The following DGKG variants were observed in gnomAD, a reference collection of about 807,000 sequenced individuals.
DGKG encodes DAG kinase gamma.
DGKG carries 78 observed loss-of-function variants against 105.3 expected under a neutral mutation model. The observed-to-expected ratio is 0.74, with a 90% CI of 0.62 to 0.89. The LOEUF is 0.89. Ranked by LOEUF, DGKG falls within the 40% of genes least tolerant of loss-of-function variation. The pLI is 0.00. For synonymous variants in DGKG, 346 were observed against 367.1 expected, an observed-to-expected ratio of 0.94 and a Z score of 0.66; for missense variants, 958 against 1,020.1, an observed-to-expected ratio of 0.94 and a Z score of 0.83.
chr3:186,294,685 C>A (rs753410375), intron 5 of DGKG, among the ~76,000 whole-genome samples: 22 of 152,088 alleles, frequency 1.4e-4, no homozygotes, highest in Admixed American at 4.6e-4. Flanking sequence ...CCTGAATATG[C>A]CTCCTCTAGT....
At chr3:186,283,047 T>C (rs1294900430) in intron 7 of DGKG, among the ~76,000 whole-genome samples, 1 of 152,058 alleles carries the variant, frequency 6.6e-6, no homozygotes, top group Non-Finnish European at 1.5e-5. Context: ...TAGCTGGGAC[T>C]ACAGGTGTGT....
chr3:186,188,077 C>T (rs1274560790), intron 22 of DGKG, 125 bp downstream of exon 22: 1 of 1,120,326 alleles, frequency 8.9e-7, no homozygotes, highest in South Asian at 1.5e-5. Flanking sequence ...GATGACGAGT[C>T]AGCATATCCG....
chr3:186,268,782 GC>G lies in DGKG; in HGVS notation c.1116+18del. ...AAAAACGTTGAAAAGAAGCAGGGCCGCCCTGGGCGCCAACCCACCGTCATCC... is the reference window on the plus strand; with the variant it reads ...AAAAACGTTGAAAAGAAGCAGGGCCGCCTGGGCGCCAACCCACCGTCATCC... On this transcript the variant is annotated intron_variant, in intron 12 of 24. Coordinates refer to ENST00000265022, the MANE Select transcript of DGKG (RefSeq NM_001346.3). The G allele has an allele frequency of 6.4e-7, 1 of 1,572,538 alleles. No homozygotes were observed.
At chr3:186,323,936 C>T (rs1330814257) in intron 1 of DGKG, among the ~76,000 whole-genome samples, 1 of 72,018 alleles carries the variant, frequency 1.4e-5, no homozygotes, top group Non-Finnish European at 2.6e-5. Context: ...GACTCCGTCT[C>T]AAAAAAAAAA....
At chr3:186,319,989 T>C (rs1725003485) in intron 2 of DGKG, among the ~76,000 whole-genome samples, 1 of 152,252 alleles carries the variant, frequency 6.6e-6, no homozygotes, top group Non-Finnish European at 1.5e-5. Flanking sequence ...TTCAAAATTA[T>C]GCTCTGAAGA....
chr3:186,183,855 C>T (rs1415684008), intron 22 of DGKG, among the ~76,000 whole-genome samples: 2 of 152,124 alleles, frequency 1.3e-5, no homozygotes, highest in Non-Finnish European at 2.9e-5. Context: ...CTGGCATGCG[C>T]CACCACACCC....
intron 1 of DGKG, among the ~76,000 whole-genome samples, chr3:186,352,079 C>T (rs971972914): frequency 2.0e-5 from 3 of 152,082 alleles, no homozygotes; most frequent in Non-Finnish European, 2.9e-5. Context: ...TTTCAAGGCC[C>T]CTCCCCACTC....
chr3:186,284,583 C>T lies in DGKG; in HGVS notation c.594+77G>A. 2.3e-6 allele frequency: 3 copies of T among 1,286,186 alleles called. No homozygotes were observed. The highest frequency in any genetic ancestry group is 3.4e-6 in the Non-Finnish European group (3 of 884,006). The allele number at this position is 1,286,186 out of a possible 1,614,324, so 79.7% of individuals were successfully genotyped here. A position where few individuals can be genotyped will look rare whatever the true frequency, so the allele number is the denominator to read the frequency against. ...CTACAAAGACGGAACTGAACATTTTCAGATTCTTCCTCTGCTTGCTCCCTG... is the reference window on the plus strand; with the variant it reads ...CTACAAAGACGGAACTGAACATTTTTAGATTCTTCCTCTGCTTGCTCCCTG... On this transcript the variant is annotated intron_variant, in intron 7 of 24. Transcript: ENST00000265022. This position sits in a 1 kb window ranked among gnomAD's most constrained non-coding sequence, Gnocchi z 4.0.
chr3:186,329,840 T>C (rs557255227), intron 1 of DGKG, among the ~76,000 whole-genome samples: 26 of 152,314 alleles, frequency 1.7e-4, no homozygotes, highest in African/African-American at 6.3e-4. Context: ...AGTAGCACTT[T>C]GGGTTTTTCT....
At position 186,148,914 on chromosome 3, in the gene DGKG, T is replaced by C. The variant is rs907878410; in HGVS notation, c.*1176A>G. On this transcript the variant is annotated 3_prime_UTR_variant, in exon 25 of 25. Transcript: ENST00000265022. ...ACCACTTTCTGTCTCATACTACCTA[T>C]GTTTTTTTTTTCCAATGAGGAAAAG... is the stretch of plus-strand genomic sequence containing the variant. 2 of 977,518 alleles carry C rather than the reference T, an allele frequency of 2.0e-6. No individual in the cohort carries two copies. Among genetic ancestry groups the C allele is most frequent in the African/African-American group, 1.8e-5 (1 of 54,452 alleles). 60.6% of individuals were successfully genotyped at this position (977,518 alleles called of 1,614,324 possible).
chr3:186,297,341 G>C (rs1296416900), intron 5 of DGKG, 80 bp downstream of exon 5: 2 of 1,081,462 alleles, frequency 1.8e-6, no homozygotes, highest in Non-Finnish European at 1.4e-6. Context: ...AGACAGCACT[G>C]TTGGTTAGGT....
intron 1 of DGKG, among the ~76,000 whole-genome samples, chr3:186,328,670 G>T (rs1479547950): frequency 6.6e-6 from 1 of 151,654 alleles, no homozygotes; most frequent in African/African-American, 2.4e-5. Context: ...CCACCTCCTG[G>T]GTTCAAGTGA....
intron 13 of DGKG, among the ~76,000 whole-genome samples, chr3:186,265,857 A>T (rs1222707525): frequency 6.6e-6 from 1 of 151,714 alleles, no homozygotes; most frequent in Non-Finnish European, 1.5e-5. Flanking sequence ...TTTTTAGTAG[A>T]GATGGGGTTT....
chr3:186,314,071 C>T (rs528921601), intron 2 of DGKG, among the ~76,000 whole-genome samples: 17 of 152,082 alleles, frequency 1.1e-4, no homozygotes, highest in Admixed American at 4.6e-4. Flanking sequence ...TAATCTGATT[C>T]GAAAGAAATA....
At chr3:186,213,302 T>C (rs868829048) in intron 20 of DGKG, among the ~76,000 whole-genome samples, 10 of 152,240 alleles carry the variant, frequency 6.6e-5, no homozygotes, top group African/African-American at 2.4e-4. Flanking sequence ...GTCAGTCTCC[T>C]CAGCCTGCAG....
At chr3:186,327,406 A>G (rs1283748751) in intron 1 of DGKG, among the ~76,000 whole-genome samples, 3 of 114,314 alleles carry the variant, frequency 2.6e-5, no homozygotes, top group African/African-American at 1.1e-4. Flanking sequence ...TTTTTTTTTG[A>G]GGCGTGGTTT....
chr3:186,339,550 A>T (rs927907050), intron 1 of DGKG, among the ~76,000 whole-genome samples: 7 of 152,208 alleles, frequency 4.6e-5, no homozygotes, highest in African/African-American at 7.2e-5. Flanking sequence ...CAATTTCAAT[A>T]AAAAATACAG....
At chr3:186,199,581 C>T (rs968372323) in intron 21 of DGKG, among the ~76,000 whole-genome samples, 4 of 151,772 alleles carry the variant, frequency 2.6e-5, no homozygotes, top group African/African-American at 9.7e-5. Context: ...GGCATGATCT[C>T]GCCTCACTGC....
rs907264315 is a variant in DGKG, at chr3:186,147,637, A to G, written c.*2453T>C. On this transcript the variant is annotated 3_prime_UTR_variant, in exon 25 of 25. Coordinates refer to ENST00000265022, the MANE Select transcript of DGKG (RefSeq NM_001346.3). ...TTGCAAGTCCTGTGCACTAGGGTGC[A>G]GCAGGTAAGGGCCATTTTCTGCACT... The G allele has an allele frequency of 1.1e-5, 11 of 985,350 alleles. No homozygotes were observed. In the African/African-American group the frequency reaches 1.9e-4, roughly 17 times the overall value. 61.0% of individuals were successfully genotyped at this position (985,350 alleles called of 1,614,324 possible). A position where few individuals can be genotyped will look rare whatever the true frequency, so the allele number is the denominator to read the frequency against.
Sources: gnomAD v4.1 joint callset for allele counts (sites outside exome capture counted in the v4.1 genomes callset) on GRCh38, gnomAD v4.1.1 for gene constraint, Gnocchi (gnomAD v3.1) non-coding constraint, MANE v1.5 for transcripts, NCBI Gene and HGNC (gene_info 2026-07-23, HGNC 2026-07-21) for gene names.